The following GRIN2B variants were observed in gnomAD, a reference collection of about 807,000 sequenced individuals.
The protein encoded by GRIN2B is glutamate ionotropic receptor NMDA type subunit 2B.
In GRIN2B, 5 loss-of-function variants were observed where a neutral mutation model predicts 114.5. The ratio of observed to expected loss-of-function variants is 0.04; its 90% confidence interval spans 0.02 to 0.09. The LOEUF (loss-of-function observed/expected upper bound fraction) is 0.09, where lower values mean the gene tolerates loss of function less well. Among genes scored for constraint, GRIN2B ranks in the 10% least tolerant of loss-of-function variants. GRIN2B has a pLI of 1.00. For synonymous variants in GRIN2B, 787 were observed against 745.1 expected (o/e 1.06, Z -0.92); for missense variants, 1,108 against 1,943.5 (o/e 0.57, Z 8.08).
chr12:13,811,549 C>T (rs1300667738), intron 3 of GRIN2B, among the ~76,000 whole-genome samples: 1 of 152,218 alleles, frequency 6.6e-6, no homozygotes, highest in Non-Finnish European at 1.5e-5. Context: ...CCACTGTACT[C>T]AGCCTGGGTG....
intron 5 of GRIN2B, among the ~76,000 whole-genome samples, chr12:13,674,180 T>A (rs576125017): frequency 1.4e-4 from 21 of 151,974 alleles, no homozygotes; most frequent in Admixed American, 6.6e-4. Flanking sequence ...GGCAACATAG[T>A]GAGACCTCAT....
Position 13,563,027 on chromosome 12 carries a change from T to C in GRIN2B, c.4211A>G (p.Tyr1404Cys). 1.2e-6 allele frequency: 2 copies of C among 1,613,884 alleles called. No individual in the cohort carries two copies. Among genetic ancestry groups the C allele is most frequent in the Non-Finnish European group, 1.7e-6 (2 of 1,179,826 alleles). The stretch of plus-strand genomic sequence containing the variant: ...CGCCACCGTGGGCTGCCTGAAGAAG[T>C]AGGATTTGCTGCCATGGAGCAAGCA... ...DQCLLHGSKS[Y>C]FFRQPTVAGA... Residue 1404 changes from tyrosine to cysteine, a missense_variant, in exon 14 of 14, where the codon TAC becomes TGC. This residue lies in a region of GRIN2B where 478 missense variants were observed against 506.0 expected (regional missense o/e 0.94). Transcript: ENST00000609686.
At chr12:13,975,302 A>G (rs1863000011) in intron 2 of GRIN2B, among the ~76,000 whole-genome samples, 1 of 152,260 alleles carries the variant, frequency 6.6e-6, no homozygotes, top group Non-Finnish European at 1.5e-5. Context: ...TTACTGAATT[A>G]GAATATGCAG....
chr12:13,852,745 C>T (rs1865592031), intron 3 of GRIN2B, among the ~76,000 whole-genome samples: 1 of 151,200 alleles, frequency 6.6e-6, no homozygotes, highest in Non-Finnish European at 1.5e-5. Context: ...AAGAGGTCAC[C>T]GGGCTCTGAA....
intron 2 of GRIN2B, among the ~76,000 whole-genome samples, chr12:13,907,836 G>C (rs1356097689): frequency 6.6e-6 from 1 of 152,052 alleles, no homozygotes; most frequent in Admixed American, 6.5e-5. Context: ...GCAAATTACA[G>C]ATTTAATTAT....
chr12:13,785,400 T>C (rs1402696344), intron 3 of GRIN2B, among the ~76,000 whole-genome samples: 5 of 152,122 alleles, frequency 3.3e-5, no homozygotes, highest in African/African-American at 1.2e-4. Flanking sequence ...GATGGCCAAT[T>C]CCATCTCTGA....
At chr12:13,957,176 T>C (rs1025959703) in intron 2 of GRIN2B, among the ~76,000 whole-genome samples, 1 of 152,212 alleles carries the variant, frequency 6.6e-6, no homozygotes, top group African/African-American at 2.4e-5. Context: ...TCTGTCATTT[T>C]CTGTTGCTTC....
At position 13,577,518 on chromosome 12, in the gene GRIN2B, C is replaced by T. The variant is rs193037347; in HGVS notation, c.2011-5554G>A. On this transcript the variant is annotated intron_variant, in intron 10 of 13. Transcript: ENST00000609686. Reference sequence around the variant, plus strand: ...CTGGGCTGTTTTGGCTGCCACCTCCCCGCTAGAGAGCTTCTTATACAGCCT... The same window carrying T: ...CTGGGCTGTTTTGGCTGCCACCTCCTCGCTAGAGAGCTTCTTATACAGCCT... Among the ~76,000 whole-genome samples, 3 of 152,230 alleles carry T rather than the reference C, an allele frequency of 2.0e-5. No individual in the cohort carries two copies. In the East Asian group the frequency reaches 5.8e-4, roughly 29 times the overall value.
intron 10 of GRIN2B, among the ~76,000 whole-genome samples, chr12:13,580,820 A>T (rs1948837832): frequency 6.6e-6 from 1 of 151,988 alleles, no homozygotes; most frequent in African/African-American, 2.4e-5. Flanking sequence ...CCCTGGTGCC[A>T]CTCCTTTCAA....
chr12:13,819,513 G>A (rs2136691786), intron 3 of GRIN2B, among the ~76,000 whole-genome samples: 1 of 152,218 alleles, frequency 6.6e-6, no homozygotes, highest in South Asian at 2.1e-4. Flanking sequence ...CTAGGAACAG[G>A]ATGTGTTTCC....
rs1948332203 is a variant in GRIN2B, at chr12:13,545,557, A to C, written c.*17226T>G. The C allele has an allele frequency of 6.6e-6, 1 of 152,208 alleles. No individual in the cohort carries two copies. The highest frequency in any genetic ancestry group is 6.5e-5 in the Admixed American group (1 of 15,276). 9.4% of individuals were successfully genotyped at this position (152,208 alleles called of 1,614,324 possible). A position where few individuals can be genotyped will look rare whatever the true frequency, so the allele number is the denominator to read the frequency against. On this transcript the variant is annotated 3_prime_UTR_variant, in exon 14 of 14. Coordinates refer to ENST00000609686, the MANE Select transcript of GRIN2B (RefSeq NM_000834.5). ...TAAACAAAACAATGCAAGCAAGGAA[A>C]CAACTCCTCCCCCAAAACCTGGATA...
chr12:13,690,064 G>C (rs912831624), intron 4 of GRIN2B, among the ~76,000 whole-genome samples: 1 of 151,742 alleles, frequency 6.6e-6, no homozygotes, highest in African/African-American at 2.4e-5. Context: ...TTTTTTACTT[G>C]TCTGTATCTT....
At chr12:13,848,650 A>G (rs1865507096) in intron 3 of GRIN2B, among the ~76,000 whole-genome samples, 1 of 152,108 alleles carries the variant, frequency 6.6e-6, no homozygotes, top group African/African-American at 2.4e-5. Flanking sequence ...ACACAAAAAA[A>G]CCCTTTTCAA....
At chr12:13,800,573 C>T (rs1424229170) in intron 3 of GRIN2B, among the ~76,000 whole-genome samples, 1 of 152,170 alleles carries the variant, frequency 6.6e-6, no homozygotes, top group Non-Finnish European at 1.5e-5. Flanking sequence ...TAAACTGTCA[C>T]CCCTTGGGGC....
intron 10 of GRIN2B, among the ~76,000 whole-genome samples, chr12:13,581,971 T>C (rs1948859400): frequency 6.6e-6 from 1 of 151,362 alleles, no homozygotes; most frequent in Non-Finnish European, 1.5e-5. Flanking sequence ...GGTTATGGGC[T>C]CAAAGATCTA....
At chr12:13,643,147 G>A (rs968462186) in intron 5 of GRIN2B, among the ~76,000 whole-genome samples, 1 of 152,044 alleles carries the variant, frequency 6.6e-6, no homozygotes, top group African/African-American at 2.4e-5. Context: ...AATATATAAA[G>A]GCTATTTTCT....
intron 5 of GRIN2B, among the ~76,000 whole-genome samples, chr12:13,626,804 TC>T (rs368493995): frequency 5.6e-5 from 1 of 17,906 alleles, no homozygotes; most frequent in Non-Finnish European, 1.4e-4. Context: ...TGACTCACTC[TC>T]CCCCCCTCCC....
At chr12:13,807,507 T>C (rs534530000) in intron 3 of GRIN2B, among the ~76,000 whole-genome samples, 1 of 152,132 alleles carries the variant, frequency 6.6e-6, no homozygotes, top group East Asian at 1.9e-4. Context: ...GTAAGTAAGC[T>C]TTCCTAGGCA....
chr12:13,943,061 T>C (rs1867290046), intron 2 of GRIN2B, among the ~76,000 whole-genome samples: 1 of 152,022 alleles, frequency 6.6e-6, no homozygotes, highest in Non-Finnish European at 1.5e-5. Context: ...CCACAGGGAA[T>C]TAGGGGACCT....
Sources: allele counts gnomAD v4.1 joint callset (sites outside exome capture counted in the v4.1 genomes callset), GRCh38; gene constraint gnomAD v4.1.1; regional missense constraint gnomAD v4.1.1; transcripts MANE v1.5; gene names NCBI Gene and HGNC (gene_info 2026-07-23, HGNC 2026-07-21).